The following CHODL variants were observed in gnomAD, a reference collection of about 807,000 sequenced individuals.
The protein encoded by CHODL is chondrolectin, also known as transmembrane protein MT75.
Under a neutral mutation model 34.5 loss-of-function variants are expected in CHODL, and 29 were observed. That is an observed-to-expected ratio of 0.84 (90% CI 0.63 to 1.15). The LOEUF (loss-of-function observed/expected upper bound fraction) is 1.15. CHODL is among the 50% of genes most tolerant of loss of function. The probability of loss-of-function intolerance (pLI) is 0.00; values close to 1 mark genes in which losing one functional copy is unlikely to be tolerated. For synonymous variants in CHODL, 125 were observed against 116.1 expected (o/e 1.08, Z -0.49); for missense variants, 332 against 332.5 (o/e 1.00, Z 0.01).
chr21:18,182,102 G>C (rs985228602), intron 2 of CHODL, among the ~76,000 whole-genome samples: 1 of 152,098 alleles, frequency 6.6e-6, no homozygotes, highest in Non-Finnish European at 1.5e-5. Flanking sequence ...GAATTGCTGG[G>C]TAATATGTTC....
intron 2 of CHODL, among the ~76,000 whole-genome samples, chr21:18,239,440 G>T (rs940307163): frequency 3.9e-5 from 6 of 151,910 alleles, no homozygotes; most frequent in South Asian, 2.1e-4. Context: ...AATACCTTTG[G>T]TTTTTTTCCG....
chr21:17,969,205 G>T (rs1221521892), intron 1 of CHODL, among the ~76,000 whole-genome samples: 3 of 151,998 alleles, frequency 2.0e-5, no homozygotes, highest in Non-Finnish European at 4.4e-5. Context: ...TTTTTTAAGG[G>T]TCAAAAGCCA....
chr21:17,942,620 TTGATTA>T (rs2063374808), intron 1 of CHODL, among the ~76,000 whole-genome samples: 1 of 152,220 alleles, frequency 6.6e-6, no homozygotes, highest in Non-Finnish European at 1.5e-5. Flanking sequence ...ATTAATACAT[TTGATTA>T]TATCAGAATT....
At chr21:18,242,282 A>G (rs2074089722), upstream of CHODL, among the ~76,000 whole-genome samples, 1 of 152,202 alleles carries the variant, frequency 6.6e-6, no homozygotes, top group Non-Finnish European at 1.5e-5. Context: ...GCATATCCAC[A>G]AGAGGGAAAA....
intron 2 of CHODL, among the ~76,000 whole-genome samples, chr21:18,112,645 C>T (rs543221828): frequency 6.6e-6 from 1 of 152,202 alleles, no homozygotes; most frequent in South Asian, 2.1e-4. Flanking sequence ...AACAAAAATG[C>T]CAAGAACATA....
chr21:18,164,650 G>A (rs2073132211), intron 2 of CHODL, among the ~76,000 whole-genome samples: 1 of 151,942 alleles, frequency 6.6e-6, no homozygotes, highest in South Asian at 2.1e-4. Context: ...ATATCCTAAT[G>A]ATTCTCAAGT....
intron 2 of CHODL, among the ~76,000 whole-genome samples, chr21:18,145,975 T>C (rs921392987): frequency 3.8e-4 from 57 of 151,380 alleles, no homozygotes; most frequent in African/African-American, 1.4e-3. Context: ...GTTGTTGTTG[T>C]TGTTGTTTTT....
chr21:17,996,377 C>A (rs955695309), intron 1 of CHODL, among the ~76,000 whole-genome samples: 1 of 152,206 alleles, frequency 6.6e-6, no homozygotes, highest in Non-Finnish European at 1.5e-5. Context: ...TGTGAACATG[C>A]TGTATCCTTG....
intron 1 of CHODL, among the ~76,000 whole-genome samples, chr21:18,000,870 CT>C (rs1390257615): frequency 3.9e-5 from 6 of 152,050 alleles, no homozygotes; most frequent in Non-Finnish European, 8.8e-5. Context: ...ACAGCTTTTT[CT>C]TTTTCTTTTT....
chr21:17,937,258 CAGAGA>C (rs2063326535), intron 1 of CHODL, among the ~76,000 whole-genome samples: 1 of 151,980 alleles, frequency 6.6e-6, no homozygotes, highest in African/African-American at 2.4e-5. Flanking sequence ...CAGGTGAGAG[CAGAGA>C]AAAGAGAAGT....
chr21:18,000,715 G>A (rs761859948), intron 1 of CHODL, among the ~76,000 whole-genome samples: 66 of 152,154 alleles, frequency 4.3e-4, no homozygotes, highest in Non-Finnish European at 7.8e-4. Context: ...TTCCATGCAG[G>A]AAGGGCTTCT....
At chr21:18,027,930 A>T (rs989595449) in exon 2 of CHODL, 1 of 152,588 alleles carries the variant, frequency 6.6e-6, no homozygotes, top group African/African-American at 2.4e-5. Flanking sequence ...CAGAAACTGG[A>T]TGGGCCAGCA....
chr21:18,101,153 A>C (rs1236645429), intron 2 of CHODL, among the ~76,000 whole-genome samples: 2 of 138,504 alleles, frequency 1.4e-5, no homozygotes, highest in Non-Finnish European at 3.3e-5. Context: ...AATGGGTCTC[A>C]CAAGATCTGA....
intron 2 of CHODL, among the ~76,000 whole-genome samples, chr21:18,088,965 A>T (rs939958608): frequency 1.3e-5 from 2 of 152,164 alleles, no homozygotes; most frequent in African/African-American, 4.8e-5. Flanking sequence ...GGGTTAATTT[A>T]TATTAGAGGA....
intron 1 of CHODL, among the ~76,000 whole-genome samples, chr21:18,248,710 AT>A (rs1568955360): frequency 1.1e-5 from 1 of 92,168 alleles, no homozygotes; most frequent in African/African-American, 5.4e-5. Context: ...TATGTATATA[AT>A]ATATACATAT....
At chr21:18,038,847 G>A (rs2064341731) in intron 2 of CHODL, among the ~76,000 whole-genome samples, 1 of 151,488 alleles carries the variant, frequency 6.6e-6, no homozygotes, top group Non-Finnish European at 1.5e-5. Context: ...ATAATCTAGT[G>A]GCAAACATTA....
chr21:18,205,199 TTCAGTATGATACTA>T (rs2073698520), intron 2 of CHODL, among the ~76,000 whole-genome samples: 1 of 152,202 alleles, frequency 6.6e-6, no homozygotes, highest in African/African-American at 2.4e-5. Flanking sequence ...CTTTTCCCCA[TTCAGTATGATACTA>T]GCTGTGGATC....
intron 2 of CHODL, among the ~76,000 whole-genome samples, chr21:18,194,846 G>A (rs2146698332): frequency 1.3e-5 from 2 of 151,626 alleles, no homozygotes; most frequent in Non-Finnish European, 2.9e-5. Context: ...ACAAAAAATT[G>A]CACTTATTTG....
intron 1 of CHODL, among the ~76,000 whole-genome samples, chr21:17,936,899 C>T (rs2063323668): frequency 6.6e-6 from 1 of 151,930 alleles, no homozygotes; most frequent in South Asian, 2.1e-4. Flanking sequence ...CATGGTGAAT[C>T]TCTTTCTCTA....
Sources: allele counts gnomAD v4.1 joint callset (sites outside exome capture counted in the v4.1 genomes callset), GRCh38; gene constraint gnomAD v4.1.1; transcripts MANE v1.5; gene names NCBI Gene and HGNC (gene_info 2026-07-23, HGNC 2026-07-21).